ATG5: variants seen among roughly 807,000 people sequenced by gnomAD.
The protein encoded by ATG5 is autophagy protein 5.
A neutral mutation model predicts 36.5 loss-of-function variants in ATG5; 14 were observed. That is an observed-to-expected ratio of 0.38 (90% CI 0.25 to 0.60). The LOEUF (loss-of-function observed/expected upper bound fraction) is 0.60. Among genes scored for constraint, ATG5 ranks in the 20% least tolerant of loss-of-function variants. The probability of loss-of-function intolerance (pLI) is 0.60; values close to 1 mark genes in which losing one functional copy is unlikely to be tolerated. For missense variants in ATG5, 195 were observed against 326.7 expected, an observed-to-expected ratio of 0.60 and a Z score of 3.11; for synonymous variants, 95 against 101.5, an observed-to-expected ratio of 0.94 and a Z score of 0.38.
At chr6:106,239,813 A>T (rs746265088) in intron 6 of ATG5, among the ~76,000 whole-genome samples, 1 of 152,232 alleles carries the variant, frequency 6.6e-6, no homozygotes, top group Non-Finnish European at 1.5e-5. Context: ...TATCATTTGC[A>T]AATTGTCTAT....
chr6:106,275,885 C>A (rs542433411), intron 5 of ATG5, among the ~76,000 whole-genome samples: 7 of 152,288 alleles, frequency 4.6e-5, no homozygotes, highest in South Asian at 4.1e-4. Context: ...GCCACATAGT[C>A]TCCTCATAAT....
intron 3 of ATG5, among the ~76,000 whole-genome samples, chr6:106,299,524 T>C (rs1770117539): frequency 6.6e-6 from 1 of 152,198 alleles, no homozygotes; most frequent in Non-Finnish European, 1.5e-5. Flanking sequence ...CTATAGAAAA[T>C]GACTGCATAA....
In ATG5 at chr6:106,186,242, T is replaced by C. The variant is rs1184914875; in HGVS notation, c.*298A>G. 3.4e-6 allele frequency: 1 copy of C among 295,618 alleles called. No homozygotes were observed. The highest frequency in any genetic ancestry group is 2.2e-5 in the African/African-American group (1 of 46,234). 18.3% of individuals were successfully genotyped at this position (295,618 alleles called of 1,614,324 possible). ...CAAATCGAGTGGCACATACTTCCAT[T>C]TTCTTCTTAGGCCAAAGGTTTCAGC... On this transcript the variant is annotated 3_prime_UTR_variant, in exon 8 of 8. Transcript: ENST00000369076.
chr6:106,233,424 A>G (rs1777766397), intron 6 of ATG5, among the ~76,000 whole-genome samples: 1 of 152,232 alleles, frequency 6.6e-6, no homozygotes, highest in Non-Finnish European at 1.5e-5. Flanking sequence ...CAGGCCCTAA[A>G]GAAGGCCCTA....
intron 3 of ATG5, among the ~76,000 whole-genome samples, chr6:106,293,337 T>C (rs1034937607): frequency 2.6e-5 from 4 of 152,258 alleles, no homozygotes; most frequent in South Asian, 2.1e-4. Context: ...ATATGCACAA[T>C]AGGATTGTGG....
chr6:106,312,249 G>C (rs775072189), intron 2 of ATG5, among the ~76,000 whole-genome samples: 2 of 152,164 alleles, frequency 1.3e-5, no homozygotes, highest in Non-Finnish European at 2.9e-5. Context: ...TGGGATAAGA[G>C]AGAAGGAAGG....
chr6:106,279,825 TA>T lies in ATG5; in HGVS notation c.316-3del. The T allele has an allele frequency of 6.7e-7, 1 of 1,484,246 alleles. No homozygotes were observed. The highest frequency in any genetic ancestry group is 9.0e-7 in the Non-Finnish European group (1 of 1,111,584). The allele number at this position is 1,484,246 out of a possible 1,614,324, so 91.9% of individuals were successfully genotyped here. On this transcript the variant is annotated splice_region_variant and splice_polypyrimidine_tract_variant and intron_variant, in intron 4 of 7. Coordinates refer to ENST00000369076, the MANE Select transcript of ATG5 (RefSeq NM_004849.4). The stretch of plus-strand genomic sequence containing the variant: ...CAGAAGGTCTTTTTCTGGAAAACTC[TA>T]TCAAAGGAAAAAATATACATATAAA...
intron 3 of ATG5, among the ~76,000 whole-genome samples, chr6:106,299,248 T>A (rs540690245): frequency 1.6e-4 from 24 of 152,208 alleles, no homozygotes; most frequent in Non-Finnish European, 2.9e-4. Flanking sequence ...CCCGTATACT[T>A]TAAATTATTG....
At chr6:106,271,268 T>C (rs1267176496) in intron 5 of ATG5, among the ~76,000 whole-genome samples, 3 of 152,200 alleles carry the variant, frequency 2.0e-5, no homozygotes, top group Non-Finnish European at 4.4e-5. Context: ...GTGGACTGAA[T>C]GTTTACATCC....
intron 6 of ATG5, among the ~76,000 whole-genome samples, chr6:106,205,674 A>C (rs1776603898): frequency 6.6e-6 from 1 of 152,158 alleles, no homozygotes; most frequent in East Asian, 1.9e-4. Context: ...ATATCCTGTT[A>C]TTTTTATATA....
At chr6:106,249,866 G>T (rs1217361268) in intron 5 of ATG5, among the ~76,000 whole-genome samples, 3 of 152,178 alleles carry the variant, frequency 2.0e-5, no homozygotes, top group Non-Finnish European at 4.4e-5. Flanking sequence ...ACTATGCTGA[G>T]CATCTTCTCA....
intron 7 of ATG5, among the ~76,000 whole-genome samples, chr6:106,189,393 C>A (rs1477027005): frequency 6.6e-6 from 1 of 151,736 alleles, no homozygotes; most frequent in African/African-American, 2.4e-5. Context: ...TCGCTTGAGC[C>A]CAGGAATTTG....
At chr6:106,212,865 C>T (rs554246502) in intron 6 of ATG5, among the ~76,000 whole-genome samples, 3 of 152,008 alleles carry the variant, frequency 2.0e-5, no homozygotes, top group Non-Finnish European at 2.9e-5. Flanking sequence ...AACAAAAAAA[C>T]CCCAAGCATA....
chr6:106,231,596 C>T (rs1419908682), intron 6 of ATG5, among the ~76,000 whole-genome samples: 1 of 152,176 alleles, frequency 6.6e-6, no homozygotes, highest in Non-Finnish European at 1.5e-5. Flanking sequence ...GAAAATCCTA[C>T]CGCCTTTCTG....
At position 106,276,480 on chromosome 6, in the gene ATG5, A is replaced by AT. The variant is rs769987019; in HGVS notation, c.478+3180_478+3181insA. Reference sequence around the variant, plus strand: ...CTCTGTCTCCAAAAAAAAAAAAAAAAGAAACTGAAGCTCAAAGCAGTTGAC... The same window carrying AT: ...CTCTGTCTCCAAAAAAAAAAAAAAAATGAAACTGAAGCTCAAAGCAGTTGAC... On this transcript the variant is annotated intron_variant, in intron 5 of 7. Transcript: ENST00000369076. Among the ~76,000 whole-genome samples the AT allele has an allele frequency of 1.3e-4, 19 of 151,412 alleles. No homozygotes were observed. In the East Asian group the frequency reaches 1.7e-3, roughly 14 times the overall value.
intron 1 of ATG5, among the ~76,000 whole-genome samples, chr6:106,319,197 T>A (rs1419273143): frequency 6.6e-6 from 1 of 152,238 alleles, no homozygotes; most frequent in African/African-American, 2.4e-5. Flanking sequence ...ATATAATATG[T>A]ACTATAAAGG....
chr6:106,223,249 T>C (rs973436299), intron 6 of ATG5, among the ~76,000 whole-genome samples: 1 of 152,220 alleles, frequency 6.6e-6, no homozygotes, highest in African/African-American at 2.4e-5. Flanking sequence ...AAATAGTTCC[T>C]ACTCTTATAA....
chr6:106,256,167 TA>T (rs1242230339), intron 5 of ATG5, among the ~76,000 whole-genome samples: 2 of 151,712 alleles, frequency 1.3e-5, no homozygotes, highest in African/African-American at 4.8e-5. Context: ...ATTATGTAGG[TA>T]ATTCTCTCTT....
At chr6:106,190,964 C>T (rs942114525) in intron 7 of ATG5, among the ~76,000 whole-genome samples, 6 of 152,148 alleles carry the variant, frequency 3.9e-5, no homozygotes, top group Middle Eastern at 3.4e-3. Context: ...TAATGAAAGA[C>T]AAATTGGGGG....
Sources: gnomAD v4.1 joint callset for allele counts (sites outside exome capture counted in the v4.1 genomes callset) on GRCh38, gnomAD v4.1.1 for gene constraint, MANE v1.5 for transcripts, NCBI Gene and HGNC (gene_info 2026-07-23, HGNC 2026-07-21) for gene names.